GLT1D1: variants seen among roughly 807,000 people sequenced by gnomAD.
The protein encoded by GLT1D1 is glycosyltransferase 1 domain-containing protein 1.
GLT1D1 carries 21 observed loss-of-function variants against 28.7 expected under a neutral mutation model. That is an observed-to-expected ratio of 0.73 (90% CI 0.52 to 1.05). The LOEUF (loss-of-function observed/expected upper bound fraction) is 1.05, where lower values mean the gene tolerates loss of function less well. Among genes scored for constraint, GLT1D1 ranks in the 50% least tolerant of loss-of-function variants. The pLI is 0.00. For synonymous variants in GLT1D1, 147 were observed against 124.8 expected, an observed-to-expected ratio of 1.18 and a Z score of -1.19; for missense variants, 343 against 330.6, an observed-to-expected ratio of 1.04 and a Z score of -0.29.
intron 1 of GLT1D1, 133 bp from the exon 2 acceptor site, chr12:128,875,781 C>T: frequency 1.2e-6 from 1 of 856,630 alleles, no homozygotes; most frequent in Non-Finnish European, 1.8e-6. Flanking sequence ...GCCTGGGCAA[C>T]ATGAGTGAAA....
intron 3 of GLT1D1, among the ~76,000 whole-genome samples, chr12:128,891,257 G>T (rs1380493922): frequency 6.6e-6 from 1 of 151,980 alleles, no homozygotes; most frequent in East Asian, 1.9e-4. Context: ...CCAAAACAAA[G>T]AACTTTTCTG....
At chr12:128,914,030 G>A (rs974334752) in intron 4 of GLT1D1, among the ~76,000 whole-genome samples, 3 of 152,156 alleles carry the variant, frequency 2.0e-5, no homozygotes, top group Admixed American at 6.5e-5. Flanking sequence ...GATTATGCAG[G>A]TGGATTTTGG....
At chr12:128,952,902 C>T (rs1025682488) in intron 6 of GLT1D1, among the ~76,000 whole-genome samples, 6 of 150,014 alleles carry the variant, frequency 4.0e-5, no homozygotes, top group African/African-American at 1.5e-4. Flanking sequence ...CCTTAGCCTC[C>T]CGAGTAGCTG....
chr12:128,885,241 A>G (rs772985465), intron 2 of GLT1D1, among the ~76,000 whole-genome samples: 2 of 152,014 alleles, frequency 1.3e-5, no homozygotes, highest in Admixed American at 1.3e-4. Flanking sequence ...TATTTTTTTG[A>G]GACAGAGTCG....
At chr12:128,868,955 C>T (rs932999611) in intron 1 of GLT1D1, among the ~76,000 whole-genome samples, 3 of 152,094 alleles carry the variant, frequency 2.0e-5, no homozygotes, top group Non-Finnish European at 2.9e-5. Context: ...CTGCAACCAC[C>T]GCCTGCCGGG....
At chr12:128,908,573 G>A (rs1213996106) in intron 4 of GLT1D1, among the ~76,000 whole-genome samples, 5 of 149,178 alleles carry the variant, frequency 3.4e-5, no homozygotes, top group Non-Finnish European at 5.9e-5. Context: ...TACCCAAGGC[G>A]GAAGACTGGC....
At chr12:128,875,868 A>AAC (rs1250069057) in intron 1 of GLT1D1, 46 bp from the exon 2 acceptor site, 1 of 1,563,574 alleles carries the variant, frequency 6.4e-7, no homozygotes, top group Admixed American at 1.9e-5. Context: ...GTTACATATT[A>AAC]ACATTTTCCC....
At chr12:128,870,959 C>G (rs1360387873) in intron 1 of GLT1D1, among the ~76,000 whole-genome samples, 1 of 152,188 alleles carries the variant, frequency 6.6e-6, no homozygotes, top group Non-Finnish European at 1.5e-5. Flanking sequence ...CCACTGCACT[C>G]CAGCCTGGCC....
At chr12:128,964,065 C>T (rs147248774) in intron 7 of GLT1D1, among the ~76,000 whole-genome samples, 1 of 152,270 alleles carries the variant, frequency 6.6e-6, no homozygotes, top group African/African-American at 2.4e-5. Flanking sequence ...GGTGGAAGGG[C>T]CGAGACAGCT....
rs1279603328 is a variant in GLT1D1, at chr12:128,958,746, C to T, written c.639+1103C>T. ...TATAGGCAACAGAGTGGGACTCTGC[C>T]TCAAAAAAAAAAAAAAAAAAAAAAA... On this transcript the variant is annotated intron_variant, in intron 7 of 7. Transcript: ENST00000281703. Among the ~76,000 whole-genome samples the T allele has an allele frequency of 4.2e-5, 3 of 72,138 alleles. No individual in the cohort carries two copies. In the East Asian group the frequency reaches 1.1e-3, roughly 28 times the overall value. The allele number at this position is 72,138 out of a possible 152,430, so 47.3% of individuals were successfully genotyped here.
intron 7 of GLT1D1, among the ~76,000 whole-genome samples, chr12:128,968,006 G>T (rs769868108): frequency 1.3e-5 from 2 of 151,878 alleles, no homozygotes; most frequent in Non-Finnish European, 1.5e-5. Context: ...GTTTTGCTTT[G>T]TTTTTTTTGA....
chr12:128,931,903 G>GCACACACACGCA (rs1270382555), intron 4 of GLT1D1, among the ~76,000 whole-genome samples: 24 of 137,834 alleles, frequency 1.7e-4, no homozygotes, highest in South Asian at 4.5e-4. Flanking sequence ...GAGGATATGT[G>GCACACACACGCA]CACACACACG....
At chr12:128,929,336 A>G (rs902293106) in intron 4 of GLT1D1, among the ~76,000 whole-genome samples, 3 of 152,236 alleles carry the variant, frequency 2.0e-5, no homozygotes, top group African/African-American at 7.2e-5. Flanking sequence ...TCTCATGAGA[A>G]AGAGCTTGCA....
chr12:128,930,027 T>C (rs1303215426), intron 4 of GLT1D1, among the ~76,000 whole-genome samples: 1 of 152,126 alleles, frequency 6.6e-6, no homozygotes, highest in East Asian at 1.9e-4. Flanking sequence ...TGTGACCACA[T>C]TGAATACCAT....
chr12:128,936,491 T>G (rs1292180072), intron 4 of GLT1D1, among the ~76,000 whole-genome samples: 1 of 152,214 alleles, frequency 6.6e-6, no homozygotes, highest in African/African-American at 2.4e-5. Flanking sequence ...CCTTTCTGCT[T>G]TGACATGCTG....
At chr12:128,947,525 C>A in intron 6 of GLT1D1, 67 bp downstream of exon 10, 2 of 1,554,038 alleles carry the variant, frequency 1.3e-6, no homozygotes, top group Non-Finnish European at 1.8e-6. Flanking sequence ...CTCCTATTTA[C>A]GGAGGTGACG....
chr12:128,882,474 A>G (rs1185135201), intron 2 of GLT1D1, among the ~76,000 whole-genome samples: 1 of 151,786 alleles, frequency 6.6e-6, no homozygotes, highest in African/African-American at 2.4e-5. Flanking sequence ...ATGGGATTTC[A>G]CTATGTTGGC....
chr12:128,867,405 AAAAAAAAAAAACAG>A (rs1956564612), intron 1 of GLT1D1, among the ~76,000 whole-genome samples: 1 of 145,292 alleles, frequency 6.9e-6, no homozygotes, highest in African/African-American at 2.6e-5. Context: ...CTCAAAAAAA[AAAAAAAAAAAACAG>A]AAAAAAAAAA....
intron 4 of GLT1D1, 102 bp from the exon 8 acceptor site, chr12:128,927,003 A>G: frequency 1.4e-6 from 1 of 694,556 alleles, no homozygotes; most frequent in Non-Finnish European, 2.4e-6. Context: ...ATGATATGAA[A>G]TAATTTATGT....
Sources: allele counts gnomAD v4.1 joint callset (sites outside exome capture counted in the v4.1 genomes callset), GRCh38; gene constraint gnomAD v4.1.1; transcripts MANE v1.5; gene names NCBI Gene and HGNC (gene_info 2026-07-23, HGNC 2026-07-21).